TMEM82: variants seen among roughly 807,000 people sequenced by gnomAD.
TMEM82 encodes the protein transmembrane protein 82.
Under a neutral mutation model 29.2 loss-of-function variants are expected in TMEM82, and 30 were observed. The observed-to-expected ratio is 1.03, with a 90% CI of 0.77 to 1.39. TMEM82 has a LOEUF of 1.39. TMEM82 is among the 40% of genes most tolerant of loss of function. TMEM82 has a pLI of 0.00. For synonymous variants in TMEM82, 221 were observed against 225.4 expected, an observed-to-expected ratio of 0.98 and a Z score of 0.18; for missense variants, 442 against 447.7, an observed-to-expected ratio of 0.99 and a Z score of 0.12.
In TMEM82 at chr1:15,747,536, T is replaced by C; in HGVS notation, c.946-10T>C. The C allele has an allele frequency of 6.2e-7, 1 of 1,613,102 alleles. No individual in the cohort carries two copies. Among genetic ancestry groups the C allele is most frequent in the Non-Finnish European group, 8.5e-7 (1 of 1,179,250 alleles). On this transcript the variant is annotated splice_polypyrimidine_tract_variant and intron_variant, in intron 5 of 5. Coordinates refer to ENST00000375782, the MANE Select transcript of TMEM82 (RefSeq NM_001013641.3). ...GAATGGGTGGTGTCATTCTCAACGC[T>C]TTTCCTCAGGATTTTCCATCCCAGA...
rs373376433 is a variant in TMEM82, at chr1:15,746,191, C to A, written c.758-676C>A. Among the ~76,000 whole-genome samples, 59 of 150,850 alleles carry A rather than the reference C, an allele frequency of 3.9e-4. 3 individuals carry two copies. The highest frequency in any genetic ancestry group is 3.4e-3 in the East Asian group (17 of 4,946). ...GACTCTGTCTCAAAAAACAAACAAA[C>A]AAAAAAACGGGGCCAAGCATGCTGG... On this transcript the variant is annotated intron_variant, in intron 4 of 5. Transcript: ENST00000375782.
intron 3 of TMEM82, among the ~76,000 whole-genome samples, chr1:15,743,506 G>C (rs146694100): frequency 1.3e-3 from 197 of 152,374 alleles, no homozygotes; most frequent in African/African-American, 4.5e-3. Context: ...AGGGGTAAAG[G>C]TTTGCTCTGA....
At chr1:15,747,431 C>T (rs1043313715) in intron 5 of TMEM82, 115 bp from the exon 6 acceptor site, 3 of 889,616 alleles carry the variant, frequency 3.4e-6, no homozygotes, top group Admixed American at 3.8e-5. Context: ...GTCCACAGCC[C>T]TCTCCAGCAA....
In TMEM82 at chr1:15,747,535, C is replaced by CG; in HGVS notation, c.946-11_946-10insG. The CG allele has an allele frequency of 6.2e-7, 1 of 1,613,466 alleles. No homozygotes were observed. The highest frequency in any genetic ancestry group is 8.5e-7 in the Non-Finnish European group (1 of 1,179,440). On this transcript the variant is annotated splice_polypyrimidine_tract_variant and intron_variant, in intron 5 of 5. Coordinates refer to ENST00000375782, the MANE Select transcript of TMEM82 (RefSeq NM_001013641.3). Reference sequence around the variant, plus strand: ...TGAATGGGTGGTGTCATTCTCAACGCTTTTCCTCAGGATTTTCCATCCCAG... The same window carrying CG: ...TGAATGGGTGGTGTCATTCTCAACGCGTTTTCCTCAGGATTTTCCATCCCAG...
chr1:15,743,291 C>A, intron 3 of TMEM82, 97 bp downstream of exon 3: 1 of 1,362,248 alleles, frequency 7.3e-7, no homozygotes, highest in Non-Finnish European at 9.8e-7. Flanking sequence ...TCCAGCATCC[C>A]AGCCTCTTCG....
At position 15,747,924 on chromosome 1, in the gene TMEM82, C is replaced by A. The variant is rs1345387759; in HGVS notation, c.*292C>A. ...GTGGGGGTGCATCCTCAGGAGGGCTCCCCCTTTACTGGTCTCCCTTCCCTT... is the reference window on the plus strand; with the variant it reads ...GTGGGGGTGCATCCTCAGGAGGGCTACCCCTTTACTGGTCTCCCTTCCCTT... On this transcript the variant is annotated 3_prime_UTR_variant, in exon 6 of 6. Transcript: ENST00000375782. 2.8e-6 allele frequency: 1 copy of A among 355,452 alleles called. No homozygotes were observed. Among genetic ancestry groups the A allele is most frequent in the African/African-American group, 2.1e-5 (1 of 47,596 alleles). 22.0% of individuals were successfully genotyped at this position (355,452 alleles called of 1,614,324 possible).
chr1:15,742,999 A>G (rs750529881), intron 2 of TMEM82, 21 bp from the exon 3 acceptor site: 1 of 1,598,942 alleles, frequency 6.3e-7, no homozygotes, highest in South Asian at 1.1e-5. Context: ...ACCCCTGCCC[A>G]CACCCATTCT....
intron 4 of TMEM82, among the ~76,000 whole-genome samples, chr1:15,745,171 C>T (rs1196258012): frequency 6.6e-6 from 1 of 152,202 alleles, no homozygotes; most frequent in Non-Finnish European, 1.5e-5. Flanking sequence ...CTCAGCCTCC[C>T]AAGTTGTGGG....
chr1:15,744,044 T>C lies in TMEM82; in HGVS notation c.337-116T>C, dbSNP rs1172781167. The stretch of plus-strand genomic sequence containing the variant: ...CCCCTAGGGCTTCATCTGAAGCCGA[T>C]GTGGCCCCTTCGGGAACCATCCCCA... On this transcript the variant is annotated intron_variant, in intron 3 of 5. Coordinates refer to ENST00000375782, the MANE Select transcript of TMEM82 (RefSeq NM_001013641.3). This position sits in a 1 kb window ranked among gnomAD's most constrained non-coding sequence, Gnocchi z 5.2. The C allele has an allele frequency of 2.0e-6, 2 of 1,000,918 alleles. No homozygotes were observed. Among genetic ancestry groups the C allele is most frequent in the Non-Finnish European group, 2.8e-6 (2 of 706,592 alleles). 62.0% of individuals were successfully genotyped at this position (1,000,918 alleles called of 1,614,324 possible).
chr1:15,747,082 CA>C (rs2068342348), intron 5 of TMEM82, 28 bp downstream of exon 5: 1 of 1,592,340 alleles, frequency 6.3e-7, no homozygotes, highest in Non-Finnish European at 8.6e-7. Flanking sequence ...ATGTGTCCCC[CA>C]GACAATGAAC....
intron 4 of TMEM82, among the ~76,000 whole-genome samples, chr1:15,745,852 C>T (rs943689568): frequency 5.4e-5 from 8 of 147,802 alleles, no homozygotes; most frequent in Admixed American, 4.7e-4. Context: ...CGCACCATTG[C>T]ACTCCAATCT....
chr1:15,744,622 CCT>C lies in TMEM82; in HGVS notation c.757+45_757+46del. 1 of 1,546,940 alleles carries C rather than the reference CCT, an allele frequency of 6.5e-7. No homozygotes were observed. The highest frequency in any genetic ancestry group is 1.9e-5 in the Admixed American group (1 of 52,910). ...CTGCTCCATTCAATCCACGCACATC[CCT>C]CTGTCTGGGTCAGGCTCCGGGGAGG... On this transcript the variant is annotated intron_variant, in intron 4 of 5. Transcript: ENST00000375782. This position sits in a 1 kb window ranked among gnomAD's most constrained non-coding sequence, Gnocchi z 5.2.
rs749359767 is a variant in TMEM82, at chr1:15,744,137, C to G, written c.337-23C>G. The stretch of plus-strand genomic sequence containing the variant: ...TGGTGAGGCAGCCCCCACATCTCGG[C>G]CCCTCTTCGGCACTCCCCGCAGGGC... On this transcript the variant is annotated intron_variant, in intron 3 of 5. Transcript: ENST00000375782. The surrounding 1 kb of genome is among the most constrained non-coding windows in gnomAD (Gnocchi z 5.2). 2 of 1,482,710 alleles carry G rather than the reference C, an allele frequency of 1.3e-6. No homozygotes were observed. Among genetic ancestry groups the G allele is most frequent in the African/African-American group, 2.8e-5 (2 of 72,000 alleles). The allele number at this position is 1,482,710 out of a possible 1,614,324, so 91.8% of individuals were successfully genotyped here.
intron 3 of TMEM82, among the ~76,000 whole-genome samples, chr1:15,743,897 G>A (rs1032793662): frequency 2.6e-5 from 4 of 152,056 alleles, no homozygotes; most frequent in Admixed American, 6.5e-5. Flanking sequence ...CCCAGGAGGC[G>A]GAGGTTGCAG....
chr1:15,747,080 C>A (rs976393422), intron 5 of TMEM82, 26 bp downstream of exon 5: 2 of 1,592,692 alleles, frequency 1.3e-6, no homozygotes, highest in African/African-American at 2.7e-5. Context: ...CCATGTGTCC[C>A]CCAGACAATG....
In TMEM82 at chr1:15,744,103, C is replaced by T. The variant is rs372316502; in HGVS notation, c.337-57C>T. On this transcript the variant is annotated intron_variant, in intron 3 of 5. Coordinates refer to ENST00000375782, the MANE Select transcript of TMEM82 (RefSeq NM_001013641.3). The surrounding 1 kb of genome is among the most constrained non-coding windows in gnomAD (Gnocchi z 5.2). ...TCAGGCTCCGGCTTCCTGTGGTGGG[C>T]AGCACCTGTGGTGAGGCAGCCCCCA... 1.3e-4 allele frequency: 186 copies of T among 1,437,216 alleles called. No homozygotes were observed. In the South Asian group the frequency reaches 2.3e-3, roughly 18 times the overall value. 89.0% of individuals were successfully genotyped at this position (1,437,216 alleles called of 1,614,324 possible). A position where few individuals can be genotyped will look rare whatever the true frequency, so the allele number is the denominator to read the frequency against.
At chr1:15,743,321 G>A in intron 3 of TMEM82, 127 bp downstream of exon 3, 1 of 1,193,298 alleles carries the variant, frequency 8.4e-7, no homozygotes. Flanking sequence ...CCGTAAGACT[G>A]AGAACAGAGG....
rs774301611 is a variant in TMEM82 at position 15,747,026 on chromosome 1, G to T, written c.917G>T (p.Arg306Leu). ...GAGCTCTGGTGTCTCGTGGGCGTCCGCACCCTGCTTGACCTCTGCCAGATA... is the reference window on the plus strand; with the variant it reads ...GAGCTCTGGTGTCTCGTGGGCGTCCTCACCCTGCTTGACCTCTGCCAGATA... Reference protein sequence around the residue: ...LGELWCLVGVRTLLDLCQIQD... With the variant: ...LGELWCLVGVLTLLDLCQIQD... The change falls in exon 5 of 6, where the codon CGC becomes CTC. Residue 306 changes from arginine (R) to leucine (L), a missense_variant. Physicochemically the swap from Arg to Leu is moderately radical, Grantham distance 102 (BLOSUM62 -2). Transcript: ENST00000375782. The T allele has an allele frequency of 6.2e-7, 1 of 1,608,266 alleles. No individual in the cohort carries two copies. Among genetic ancestry groups the T allele is most frequent in the Non-Finnish European group, 8.5e-7 (1 of 1,178,048 alleles).
At position 15,742,506 on chromosome 1, in the gene TMEM82, T is replaced by C. The variant is rs569035590; in HGVS notation, c.-54T>C. ...CACCGACACCTTTGCCCAGTGACGT[T>C]GGTCTGTCCTTACGCAGACCTGGCC... On this transcript the variant is annotated 5_prime_UTR_variant, in exon 1 of 6. Coordinates refer to ENST00000375782, the MANE Select transcript of TMEM82 (RefSeq NM_001013641.3). The C allele has an allele frequency of 1.3e-5, 18 of 1,356,172 alleles. No individual in the cohort carries two copies. The African/African-American group carries it at 2.3e-4, about 17-fold the overall frequency. The allele number at this position is 1,356,172 out of a possible 1,614,324, so 84.0% of individuals were successfully genotyped here. A position where few individuals can be genotyped will look rare whatever the true frequency, so the allele number is the denominator to read the frequency against.
Sources: gnomAD v4.1 joint callset for allele counts (sites outside exome capture counted in the v4.1 genomes callset) on GRCh38, gnomAD v4.1.1 for gene constraint, Gnocchi (gnomAD v3.1) non-coding constraint, MANE v1.5 for transcripts, NCBI Gene and HGNC (gene_info 2026-07-23, HGNC 2026-07-21) for gene names.